DTD1: variants seen among roughly 807,000 people sequenced by gnomAD.
The protein encoded by DTD1 is D-aminoacyl-tRNA deacylase 1, also known as D-tyrosyl-tRNA deacylase 1 homolog.
A neutral mutation model predicts 25.6 loss-of-function variants in DTD1; 13 were observed. The ratio of observed to expected loss-of-function variants is 0.51; its 90% CI spans 0.33 to 0.81. The LOEUF is 0.81. Ranked by LOEUF, DTD1 falls within the 30% of genes least tolerant of loss-of-function variation. The pLI, the probability that DTD1 is intolerant of heterozygous loss-of-function variation, is 0.02. For synonymous variants in DTD1, 110 were observed against 103.6 expected (o/e 1.06, Z -0.37); for missense variants, 193 against 266.4 (o/e 0.72, Z 1.92).
At chr20:18,708,218 A>ATTATATATATATTAT (rs1568676578) in intron 4 of DTD1, among the ~76,000 whole-genome samples, 1 of 5,658 alleles carries the variant, frequency 1.8e-4, no homozygotes, top group Non-Finnish European at 6.1e-4. Context: ...TTATATATAT[A>ATTATATATATATTAT]ATATATATAT....
intron 4 of DTD1, among the ~76,000 whole-genome samples, chr20:18,644,234 C>G (rs2060841805): frequency 2.7e-5 from 1 of 37,582 alleles, no homozygotes; most frequent in African/African-American, 5.4e-5. Context: ...TTCAAACATA[C>G]TAGATCTGTA....
At chr20:18,675,817 C>T (rs1193664) in intron 4 of DTD1, among the ~76,000 whole-genome samples, 44,995 of 50,344 alleles carry the variant, frequency 0.89, 21,821 homozygotes, top group Middle Eastern at 1. Flanking sequence ...TATTTACACA[C>T]ATATATGTAA....
At chr20:18,666,828 A>C (rs2060933081) in intron 4 of DTD1, among the ~76,000 whole-genome samples, 1 of 152,228 alleles carries the variant, frequency 6.6e-6, no homozygotes, top group South Asian at 2.1e-4. Context: ...TTTTAATCAA[A>C]AGATTTTTCT....
At chr20:18,588,855 G>C in intron 1 of DTD1, 1 of 985,398 alleles carries the variant, frequency 1.0e-6, no homozygotes. Context: ...GATTAGTGTA[G>C]ATAAAGTAGT....
At chr20:18,647,725 C>T (rs536349192) in intron 4 of DTD1, among the ~76,000 whole-genome samples, 33 of 152,042 alleles carry the variant, frequency 2.2e-4, no homozygotes, top group Admixed American at 1.3e-3. Context: ...TGTTTTTTGG[C>T]GGTGGGCAGT....
At chr20:18,695,375 C>T (rs1050325463) in intron 4 of DTD1, among the ~76,000 whole-genome samples, 5 of 91,878 alleles carry the variant, frequency 5.4e-5, no homozygotes, top group African/African-American at 1.6e-4. Context: ...GGAATCTCAT[C>T]CCTTCCATAA....
At chr20:18,695,540 C>A (rs2061071573) in intron 4 of DTD1, among the ~76,000 whole-genome samples, 1 of 31,892 alleles carries the variant, frequency 3.1e-5, no homozygotes, top group Non-Finnish European at 7.2e-5. Context: ...CCTTCCTTTC[C>A]CTTCCCTTCC....
At chr20:18,618,233 T>A (rs559995283) in intron 3 of DTD1, among the ~76,000 whole-genome samples, 1 of 152,232 alleles carries the variant, frequency 6.6e-6, no homozygotes, top group Non-Finnish European at 1.5e-5. Context: ...ACCCATCTGA[T>A]AGATATCCCA....
chr20:18,739,821 T>G (rs961853912), intron 4 of DTD1, among the ~76,000 whole-genome samples: 30 of 152,242 alleles, frequency 2.0e-4, no homozygotes, highest in Admixed American at 1.9e-3. Context: ...TTCCAAGTTT[T>G]CCCAGAAAAG....
At chr20:18,760,329 A>G (rs2061356473) in intron 5 of DTD1, among the ~76,000 whole-genome samples, 7 of 151,992 alleles carry the variant, frequency 4.6e-5, no homozygotes, top group Admixed American at 4.6e-4. Flanking sequence ...TAGAATTTTA[A>G]GTTTTTCTAC....
chr20:18,720,690 C>CA lies in DTD1; in HGVS notation c.478-23402dup, dbSNP rs200691662. On this transcript the variant is annotated intron_variant, in intron 4 of 5. Transcript: ENST00000377452. ...GGCCACATGGCAAAATCCCTCTCTA[C>CA]AAAAAAAACATACAAAAATTAGCCA... Among the ~76,000 whole-genome samples the CA allele has an allele frequency of 8.6e-3, 1,311 of 151,670 alleles. 18 individuals are homozygous for CA. The highest frequency in any genetic ancestry group is 0.03 in the African/African-American group (1,248 of 41,350).
intron 3 of DTD1, among the ~76,000 whole-genome samples, chr20:18,601,352 A>G (rs1393926180): frequency 1.3e-5 from 2 of 152,236 alleles, no homozygotes; most frequent in African/African-American, 4.8e-5. Context: ...TACAAAAATT[A>G]GCCAGGTGTG....
intron 4 of DTD1, chr20:18,642,869 A>G (rs149246031): frequency 0.02 from 3,137 of 159,320 alleles, 52 homozygotes; most frequent in African/African-American, 0.024. Context: ...TTTGGAACCA[A>G]ATTTGGACTC....
rs545436197 is a variant in DTD1, at chr20:18,744,574, C to T, written c.*19+303C>T. On this transcript the variant is annotated intron_variant, in intron 5 of 5. Coordinates refer to ENST00000377452, the MANE Select transcript of DTD1 (RefSeq NM_080820.6). ...AAGGCAAAAGGCATTTCTTACATGGCGGCAGGCAAGAGAGTATAAGGGTCA... is the reference window on the plus strand; with the variant it reads ...AAGGCAAAAGGCATTTCTTACATGGTGGCAGGCAAGAGAGTATAAGGGTCA... Among the ~76,000 whole-genome samples the T allele has an allele frequency of 1.4e-4, 20 of 143,452 alleles. No homozygotes were observed. In the South Asian group the frequency reaches 2.2e-3, roughly 16 times the overall value. 94.1% of individuals were successfully genotyped at this position (143,452 alleles called of 152,430 possible). A position where few individuals can be genotyped will look rare whatever the true frequency, so the allele number is the denominator to read the frequency against.
chr20:18,711,714 C>A (rs1030016849), intron 4 of DTD1, among the ~76,000 whole-genome samples: 1 of 152,102 alleles, frequency 6.6e-6, no homozygotes, highest in Non-Finnish European at 1.5e-5. Context: ...GAAGTCCTTC[C>A]TGCTTCATTG....
intron 5 of DTD1, among the ~76,000 whole-genome samples, chr20:18,745,348 G>A (rs569942757): frequency 3.9e-5 from 6 of 152,182 alleles, no homozygotes; most frequent in African/African-American, 1.4e-4. Flanking sequence ...CTCCCACCAG[G>A]GAACCTGTTT....
At chr20:18,621,840 G>A (rs948142107) in intron 3 of DTD1, among the ~76,000 whole-genome samples, 6 of 152,076 alleles carry the variant, frequency 3.9e-5, no homozygotes, top group African/African-American at 7.2e-5. Context: ...CAAGGCAGGC[G>A]GATCACAAGG....
chr20:18,599,814 C>T (rs944344666), intron 3 of DTD1, among the ~76,000 whole-genome samples: 6 of 152,106 alleles, frequency 3.9e-5, no homozygotes, highest in African/African-American at 1.4e-4. Flanking sequence ...TGTATATCAT[C>T]TTTGGTGAGG....
intron 5 of DTD1, among the ~76,000 whole-genome samples, chr20:18,748,130 C>T (rs1239660009): frequency 6.6e-6 from 1 of 152,088 alleles, no homozygotes; most frequent in African/African-American, 2.4e-5. Context: ...CCCTGTCTCC[C>T]AGCAACCAGA....
Sources: allele counts gnomAD v4.1 joint callset (sites outside exome capture counted in the v4.1 genomes callset), GRCh38; gene constraint gnomAD v4.1.1; transcripts MANE v1.5; gene names NCBI Gene and HGNC (gene_info 2026-07-23, HGNC 2026-07-21).